Variants in MCTP1 observed in about 807,000 individuals in gnomAD.
MCTP1 encodes multiple C2 and transmembrane domain-containing protein 1.
A neutral mutation model predicts 120.6 loss-of-function variants in MCTP1; 69 were observed. The ratio of observed to expected loss-of-function variants is 0.57; its 90% CI spans 0.47 to 0.70. The LOEUF (loss-of-function observed/expected upper bound fraction) is 0.70, where lower values mean the gene tolerates loss of function less well. MCTP1 is among the 30% of genes least tolerant of loss of function. The pLI, the probability that MCTP1 is intolerant of heterozygous loss-of-function variation, is 0.00. For missense variants in MCTP1, 1,203 were observed against 1,248.8 expected, an observed-to-expected ratio of 0.96 and a Z score of 0.55; for synonymous variants, 529 against 493.1, an observed-to-expected ratio of 1.07 and a Z score of -0.96.
chr5:94,871,340 C>T lies in MCTP1; in HGVS notation c.2114G>A (p.Gly705Asp). 6.2e-7 allele frequency: 1 copy of T among 1,611,018 alleles called. No individual in the cohort carries two copies. Among genetic ancestry groups the T allele is most frequent in the Non-Finnish European group, 8.5e-7 (1 of 1,177,810 alleles). The change falls in exon 14 of 23, where the codon GGC (glycine) becomes GAC (aspartate). Residue 705 changes from glycine (G) to aspartate (D), a missense_variant. By Grantham distance (94) the Gly-to-Asp change is moderately conservative. This residue lies in a region of MCTP1 where 740 missense variants were observed against 871.1 expected (regional missense o/e 0.85). Transcript: ENST00000515393. ...AGACAGCAATGGTATAGCAACTTTG[C>T]CCAGAAAGTCAGCACTTCGATCCCG... ...EDRDRSADFLGKVAIPLLSIQ... is the reference protein window; with the variant it reads ...EDRDRSADFLDKVAIPLLSIQ...
intron 2 of MCTP1, among the ~76,000 whole-genome samples, chr5:95,009,240 A>T (rs2153654017): frequency 6.6e-6 from 1 of 152,172 alleles, no homozygotes; most frequent in East Asian, 1.9e-4. Context: ...AAACTACTAT[A>T]TCCGCCATGA....
At chr5:94,964,407 A>G (rs1413911414) in intron 2 of MCTP1, among the ~76,000 whole-genome samples, 1 of 151,840 alleles carries the variant, frequency 6.6e-6, no homozygotes, top group African/African-American at 2.4e-5. Flanking sequence ...TTCCTTATTG[A>G]TTTTCTGTCT....
chr5:94,940,269 T>A, intron 4 of MCTP1, 74 bp from the exon 5 acceptor site: 1 of 817,446 alleles, frequency 1.2e-6, no homozygotes, highest in Non-Finnish European at 1.9e-6. Context: ...TAATGCTTTA[T>A]TATTTTAAGA....
chr5:95,229,320 T>C (rs1754648431), intron 1 of MCTP1, among the ~76,000 whole-genome samples: 1 of 152,206 alleles, frequency 6.6e-6, no homozygotes, highest in Admixed American at 6.5e-5. Flanking sequence ...AAAACACTAA[T>C]GAACTATATC....
intron 1 of MCTP1, among the ~76,000 whole-genome samples, chr5:95,103,412 T>C (rs566791331): frequency 1.1e-4 from 17 of 152,256 alleles, no homozygotes; most frequent in Non-Finnish European, 2.1e-4. Context: ...TATGGGAGAC[T>C]GCAAATGCCA....
At chr5:94,835,640 A>G (rs1789560263) in intron 17 of MCTP1, among the ~76,000 whole-genome samples, 1 of 152,182 alleles carries the variant, frequency 6.6e-6, no homozygotes, top group South Asian at 2.1e-4. Flanking sequence ...ATGACTTCTC[A>G]TATCCACATC....
chr5:95,093,754 G>A (rs1756021141), intron 1 of MCTP1, among the ~76,000 whole-genome samples: 1 of 152,170 alleles, frequency 6.6e-6, no homozygotes, highest in South Asian at 2.1e-4. Context: ...CAGCAGGTGA[G>A]GACTAAGTGC....
chr5:94,727,394 A>G (rs1476707296), intron 19 of MCTP1, among the ~76,000 whole-genome samples: 1 of 152,200 alleles, frequency 6.6e-6, no homozygotes, highest in Non-Finnish European at 1.5e-5. Flanking sequence ...CAGCAAACCA[A>G]GGTCTTTAAT....
intron 17 of MCTP1, among the ~76,000 whole-genome samples, chr5:94,822,262 A>C (rs900755846): frequency 6.6e-6 from 1 of 151,976 alleles, no homozygotes; most frequent in Non-Finnish European, 1.5e-5. Context: ...CCCTGTGCCC[A>C]TATGTTCTCA....
chr5:94,865,281 TG>T (rs1415056386), intron 17 of MCTP1, among the ~76,000 whole-genome samples: 1 of 151,918 alleles, frequency 6.6e-6, no homozygotes, highest in East Asian at 1.9e-4. Context: ...AAAAAAAGAT[TG>T]TTTTTTACTT....
At chr5:94,715,998 GTCTAAAGCAC>G (rs1759104795) in intron 19 of MCTP1, among the ~76,000 whole-genome samples, 1 of 152,214 alleles carries the variant, frequency 6.6e-6, no homozygotes, top group Non-Finnish European at 1.5e-5. Flanking sequence ...TTTCAGAAGA[GTCTAAAGCAC>G]TCTACAGTGT....
intron 19 of MCTP1, among the ~76,000 whole-genome samples, chr5:94,777,855 G>T (rs1775713495): frequency 6.6e-6 from 1 of 151,938 alleles, no homozygotes; most frequent in Admixed American, 6.6e-5. Flanking sequence ...ATGATGTACA[G>T]AAGAAAAATT....
At chr5:94,743,141 TAAAA>T (rs11327016) in intron 19 of MCTP1, among the ~76,000 whole-genome samples, 17 of 138,842 alleles carry the variant, frequency 1.2e-4, no homozygotes, top group Non-Finnish European at 1.2e-4. Context: ...TAACCCAATG[TAAAA>T]AAAAAAAAAA....
chr5:95,281,935 G>A (rs1483984098), intron 1 of MCTP1, among the ~76,000 whole-genome samples: 1 of 152,216 alleles, frequency 6.6e-6, no homozygotes. Context: ...AAAGGTAGCT[G>A]TCATAATGGA....
chr5:94,913,397 A>G (rs1023478941), intron 8 of MCTP1, among the ~76,000 whole-genome samples: 1 of 152,164 alleles, frequency 6.6e-6, no homozygotes, highest in Admixed American at 6.5e-5. Context: ...TCTATGTTAT[A>G]AATATATTTT....
At chr5:94,968,115 G>T (rs949495336) in intron 2 of MCTP1, among the ~76,000 whole-genome samples, 3 of 152,166 alleles carry the variant, frequency 2.0e-5, no homozygotes, top group Admixed American at 2.0e-4. Flanking sequence ...TTCAGTGAAA[G>T]ATTTTTAACT....
At chr5:94,708,731 T>A (rs1755618385) in intron 21 of MCTP1, 122 bp from the exon 22 acceptor site, 1 of 583,960 alleles carries the variant, frequency 1.7e-6, no homozygotes, top group Admixed American at 2.9e-5. Context: ...CCCCTCTTCC[T>A]CTTTTTCTCC....
At chr5:94,942,277 G>T in intron 4 of MCTP1, 71 bp downstream of exon 4, 1 of 1,142,758 alleles carries the variant, frequency 8.8e-7, no homozygotes, top group Non-Finnish European at 1.3e-6. Flanking sequence ...CCCCAGATCA[G>T]CTGACATTTT....
At chr5:95,104,313 TG>T (rs1435396211) in intron 1 of MCTP1, among the ~76,000 whole-genome samples, 1 of 152,200 alleles carries the variant, frequency 6.6e-6, no homozygotes, top group Non-Finnish European at 1.5e-5. Context: ...TGAACCTTTG[TG>T]GTTTTCATTT....
Sources: gnomAD v4.1 joint callset for allele counts (sites outside exome capture counted in the v4.1 genomes callset) on GRCh38, gnomAD v4.1.1 for gene constraint, gnomAD v4.1.1 regional missense constraint, MANE v1.5 for transcripts, NCBI Gene and HGNC (gene_info 2026-07-23, HGNC 2026-07-21) for gene names.